CAPZB: variants seen among roughly 807,000 people sequenced by gnomAD.
CAPZB encodes capping actin protein of muscle Z-line subunit beta, also known as F-actin-capping protein subunit beta.
Under a neutral mutation model 38.1 loss-of-function variants are expected in CAPZB, and 2 were observed. The observed-to-expected ratio is 0.05, with a 90% CI of 0.02 to 0.17. The LOEUF (loss-of-function observed/expected upper bound fraction) is 0.17, where lower values mean the gene tolerates loss of function less well. CAPZB is among the 10% of genes least tolerant of loss of function. The pLI, the probability that CAPZB is intolerant of heterozygous loss-of-function variation, is 1.00. For missense variants in CAPZB, 161 were observed against 334.2 expected, an observed-to-expected ratio of 0.48 and a Z score of 4.04; for synonymous variants, 107 against 127.4, an observed-to-expected ratio of 0.84 and a Z score of 1.08.
chr1:19,406,420 C>T (rs1318602795), intron 2 of CAPZB, among the ~76,000 whole-genome samples: 1 of 152,156 alleles, frequency 6.6e-6, no homozygotes, highest in Non-Finnish European at 1.5e-5. Flanking sequence ...CAGAACAGAA[C>T]GCCCTTTCAA....
chr1:19,357,911 T>C lies in CAPZB; in HGVS notation c.330-348A>G, dbSNP rs151120495. ...AGTGACAATCCATGCAGGCCATGAC[T>C]ACTGGAGTCACCACGGTTGTTCGAT... is the stretch of plus-strand genomic sequence containing the variant. On this transcript the variant is annotated intron_variant, in intron 4 of 8. Coordinates refer to ENST00000264202, the MANE Select transcript of CAPZB (RefSeq NM_004930.5). The surrounding 1 kb of genome is among the most constrained non-coding windows in gnomAD (Gnocchi z 4.3). Among the ~76,000 whole-genome samples, 5 of 152,270 alleles carry C rather than the reference T, an allele frequency of 3.3e-5. No homozygotes were observed. The East Asian group carries it at 9.6e-4, about 29-fold the overall frequency.
In CAPZB at chr1:19,341,563, C is replaced by T. The variant is rs534442622; in HGVS notation, c.732-1946G>A. On this transcript the variant is annotated intron_variant, in intron 8 of 8. Transcript: ENST00000264202. ...CTTGGGAAGGTCACGGCCAAGCAACCTCGAATCAGCGCTTGGAGACAGTGC... is the reference window on the plus strand; with the variant it reads ...CTTGGGAAGGTCACGGCCAAGCAACTTCGAATCAGCGCTTGGAGACAGTGC... 3.9e-5 allele frequency among the ~76,000 whole-genome samples: 6 copies of T among 152,340 alleles called. No homozygotes were observed. In the South Asian group the frequency reaches 1.2e-3, roughly 32 times the overall value.
At chr1:19,481,064 C>G (rs990834552) in intron 1 of CAPZB, among the ~76,000 whole-genome samples, 24 of 152,200 alleles carry the variant, frequency 1.6e-4, no homozygotes, top group African/African-American at 5.3e-4. Flanking sequence ...TGCAGAGGTA[C>G]TGTTATCCTA....
intron 6 of CAPZB, among the ~76,000 whole-genome samples, chr1:19,349,088 G>A (rs767251804): frequency 2.0e-5 from 3 of 152,122 alleles, no homozygotes; most frequent in Admixed American, 6.5e-5. Context: ...GCACTGGAGC[G>A]TCTGCTGGAA....
chr1:19,340,433 A>C (rs1361358785), intron 8 of CAPZB, among the ~76,000 whole-genome samples: 2 of 152,254 alleles, frequency 1.3e-5, no homozygotes, highest in African/African-American at 4.8e-5. Flanking sequence ...GACGCTCATC[A>C]ACAAAGCCAG....
intron 1 of CAPZB, among the ~76,000 whole-genome samples, chr1:19,470,709 T>TTTAA (rs764603441): frequency 1.3e-5 from 2 of 152,236 alleles, no homozygotes; most frequent in African/African-American, 2.4e-5. Flanking sequence ...GGCAAAGGCT[T>TTTAA]TTAAATTCAG....
At chr1:19,450,163 A>G (rs977913220) in intron 1 of CAPZB, among the ~76,000 whole-genome samples, 25 of 131,240 alleles carry the variant, frequency 1.9e-4, no homozygotes, top group African/African-American at 7.0e-4. Flanking sequence ...AAAAAAAAAA[A>G]AAAAAAGAAA....
intron 4 of CAPZB, among the ~76,000 whole-genome samples, chr1:19,366,825 T>C (rs2094091096): frequency 6.6e-6 from 1 of 152,192 alleles, no homozygotes; most frequent in Admixed American, 6.5e-5. Context: ...CAATGCCTTT[T>C]TGTTCCCTCC....
intron 1 of CAPZB, chr1:19,484,618 C>T: frequency 8.4e-7 from 1 of 1,186,314 alleles, no homozygotes; most frequent in Non-Finnish European, 1.1e-6. Context: ...GGAGAGCTCC[C>T]CTCGCTCCCC....
chr1:19,429,787 A>G (rs1241129272), intron 1 of CAPZB, among the ~76,000 whole-genome samples: 2 of 152,086 alleles, frequency 1.3e-5, no homozygotes, highest in Non-Finnish European at 2.9e-5. Flanking sequence ...GCGGAGTGTT[A>G]TGTCAGTTTC....
chr1:19,347,713 G>A (rs1217857286), intron 6 of CAPZB, among the ~76,000 whole-genome samples: 5 of 152,162 alleles, frequency 3.3e-5, no homozygotes, highest in Admixed American at 2.0e-4. Flanking sequence ...GGGTTAATAC[G>A]GAACCCGGAA....
intron 2 of CAPZB, among the ~76,000 whole-genome samples, chr1:19,416,188 A>G (rs2094378320): frequency 6.6e-6 from 1 of 152,248 alleles, no homozygotes; most frequent in Non-Finnish European, 1.5e-5. Context: ...TGTGAATTTA[A>G]CATTATTCTC....
At chr1:19,398,341 A>G (rs11578302) in intron 2 of CAPZB, among the ~76,000 whole-genome samples, 33,403 of 152,068 alleles carry the variant, frequency 0.22, 3,984 homozygotes, top group East Asian at 0.36. Context: ...GCCACAGCAG[A>G]GGCTGACCAG....
At chr1:19,375,963 C>A (rs768453536) in intron 4 of CAPZB, among the ~76,000 whole-genome samples, 1 of 152,180 alleles carries the variant, frequency 6.6e-6, no homozygotes, top group Non-Finnish European at 1.5e-5. Context: ...GAACCATACA[C>A]CATGTATCAT....
intron 1 of CAPZB, among the ~76,000 whole-genome samples, chr1:19,468,809 C>T (rs1232250918): frequency 6.6e-6 from 1 of 152,222 alleles, no homozygotes. Context: ...CTCTGCCTGC[C>T]ATGTCTCTGG....
chr1:19,437,513 C>T (rs1212502540), intron 1 of CAPZB, among the ~76,000 whole-genome samples: 1 of 152,198 alleles, frequency 6.6e-6, no homozygotes, highest in Non-Finnish European at 1.5e-5. Context: ...GTCTTCAGGT[C>T]TTGTCAATAC....
At chr1:19,372,433 C>T (rs533249291) in intron 4 of CAPZB, among the ~76,000 whole-genome samples, 7 of 152,350 alleles carry the variant, frequency 4.6e-5, no homozygotes, top group African/African-American at 1.7e-4. Flanking sequence ...GGGGCCGACA[C>T]AGGCCAGGGC....
intron 1 of CAPZB, among the ~76,000 whole-genome samples, chr1:19,477,089 G>A (rs2094609534): frequency 6.6e-6 from 1 of 152,226 alleles, no homozygotes; most frequent in African/African-American, 2.4e-5. Flanking sequence ...GAGAATTACA[G>A]ACAATGACTG....
intron 6 of CAPZB, among the ~76,000 whole-genome samples, chr1:19,354,654 C>T (rs568028406): frequency 1.6e-4 from 25 of 152,342 alleles, no homozygotes; most frequent in African/African-American, 4.8e-4. Flanking sequence ...ACACTGCTCA[C>T]GGCAAGCCGG....
Sources: allele counts gnomAD v4.1 joint callset (sites outside exome capture counted in the v4.1 genomes callset), GRCh38; gene constraint gnomAD v4.1.1; non-coding constraint Gnocchi (gnomAD v3.1); transcripts MANE v1.5; gene names NCBI Gene and HGNC (gene_info 2026-07-23, HGNC 2026-07-21).